The following KIF7 variants were observed in gnomAD, a reference collection of about 807,000 sequenced individuals.
KIF7 encodes the protein kinesin-like protein KIF7.
A neutral mutation model predicts 135.7 loss-of-function variants in KIF7; 104 were observed. That is an observed-to-expected ratio of 0.77 (90% CI 0.65 to 0.90). The LOEUF is 0.90. Among genes scored for constraint, KIF7 ranks in the 40% least tolerant of loss-of-function variants. The probability of loss-of-function intolerance (pLI) is 0.00; values close to 1 mark genes in which losing one functional copy is unlikely to be tolerated. For missense variants in KIF7, 2,005 were observed against 1,839.1 expected, an observed-to-expected ratio of 1.09 and a Z score of -1.65; for synonymous variants, 883 against 809.4, an observed-to-expected ratio of 1.09 and a Z score of -1.54.
chr15:89,645,687 C>T (rs1963999592), intron 8 of KIF7, among the ~76,000 whole-genome samples: 1 of 152,148 alleles, frequency 6.6e-6, no homozygotes, highest in Non-Finnish European at 1.5e-5. Context: ...CCTGGGCCCA[C>T]CTTGTATCAC....
In KIF7 at chr15:89,647,792, G is replaced by A; in HGVS notation, c.1444-80C>T. 1.8e-6 allele frequency: 2 copies of A among 1,089,394 alleles called. 1 individual carries two copies. Among genetic ancestry groups the A allele is most frequent in the South Asian group, 2.9e-5 (2 of 69,696 alleles). 67.5% of individuals were successfully genotyped at this position (1,089,394 alleles called of 1,614,324 possible). On this transcript the variant is annotated intron_variant, in intron 5 of 18. Transcript: ENST00000394412. ...ACCCGGCCTCTTCTTGTTTAGCCCT[G>A]CTTTCTATCTACTCTTCCAAGCCCT...
chr15:89,634,510 C>T lies in KIF7; in HGVS notation c.2395-627G>A, dbSNP rs111693002. Among the ~76,000 whole-genome samples the T allele has an allele frequency of 9.9e-3, 1,505 of 152,312 alleles. 25 individuals carry two copies. The highest frequency in any genetic ancestry group is 0.034 in the African/African-American group (1,425 of 41,558). ...CGAAGCAGGGCGAGGCATTGCCTCA[C>T]TCGGGAAGTGCAAGGGGTCAGGGAG... On this transcript the variant is annotated intron_variant, in intron 11 of 18. Transcript: ENST00000394412.
At chr15:89,624,467 G>A (rs755245343), downstream of KIF7, 2 of 1,614,188 alleles carry the variant, frequency 1.2e-6, no homozygotes, top group Non-Finnish European at 1.7e-6. Flanking sequence ...AAACGGTGTA[G>A]AAAGACCTCT....
intron 2 of KIF7, among the ~76,000 whole-genome samples, chr15:89,650,430 G>A (rs563761812): frequency 9.9e-5 from 15 of 152,156 alleles, no homozygotes; most frequent in African/African-American, 2.9e-4. Context: ...TTTTGCTCTC[G>A]TTGCCCAAGC....
Position 89,643,176 on chromosome 15 carries a change from C to T in KIF7, c.2192-771G>A, listed in dbSNP as rs537185143. ...GTCGGCCCTCTGCATCTGTGGGTTC[C>T]ACACCCATGGGTTCAACCAACCATG... On this transcript the variant is annotated intron_variant, in intron 10 of 18. Transcript: ENST00000394412. Among the ~76,000 whole-genome samples, 7 of 152,292 alleles carry T rather than the reference C, an allele frequency of 4.6e-5. No homozygotes were observed. In the South Asian group the frequency reaches 1.4e-3, roughly 32 times the overall value.
downstream of KIF7, chr15:89,627,254 G>T: frequency 1.3e-6 from 1 of 772,686 alleles, no homozygotes; most frequent in Non-Finnish European, 2.0e-6. Flanking sequence ...TCCATCTCCT[G>T]GCCCTGCCCC....
At position 89,647,616 on chromosome 15, in the gene KIF7, T is replaced by C; in HGVS notation, c.1540A>G (p.Met514Val). The C allele has an allele frequency of 6.2e-7, 1 of 1,612,022 alleles. No individual in the cohort carries two copies. The highest frequency in any genetic ancestry group is 8.5e-7 in the Non-Finnish European group (1 of 1,179,992). ...CGCACCTGCAGTTTGTACTGCTCCA[T>C]GGCGTCCTCCAGCGCAGCCAGAAAG... ...RDFLAALEDA[M>V]EQYKLQSDRL... Residue 514 changes from methionine (M) to valine (V), a missense_variant, in exon 6 of 19, where the codon ATG becomes GTG. Physicochemically the swap from Met to Val is conservative, Grantham distance 21. Coordinates refer to ENST00000394412, the MANE Select transcript of KIF7 (RefSeq NM_198525.3).
downstream of KIF7, chr15:89,625,935 G>A (rs765855889): frequency 6.4e-7 from 1 of 1,569,904 alleles, no homozygotes; most frequent in Admixed American, 1.9e-5. Flanking sequence ...GATCTCTTTA[G>A]GCTCCACCCC....
At chr15:89,625,446 C>T, downstream of KIF7, 2 of 1,613,924 alleles carry the variant, frequency 1.2e-6, no homozygotes, top group Non-Finnish European at 1.7e-6. Context: ...TTCCTGGGAG[C>T]CTGTCACTGC....
chr15:89,624,508 C>T (rs1313991573), downstream of KIF7: 1 of 1,614,130 alleles, frequency 6.2e-7, no homozygotes, highest in Non-Finnish European at 8.5e-7. Context: ...GGAGTGTCAG[C>T]CTGATGCCTC....
chr15:89,651,249 A>G (rs923239823), intron 2 of KIF7, among the ~76,000 whole-genome samples: 3 of 152,030 alleles, frequency 2.0e-5, no homozygotes, highest in African/African-American at 7.2e-5. Context: ...ACAGGCATGC[A>G]CCACCACGCC....
chr15:89,647,629 C>G lies in KIF7; in HGVS notation c.1527G>C (p.Ala509=), dbSNP rs1383435731. Reference sequence around the variant, plus strand: ...TGTACTGCTCCATGGCGTCCTCCAGCGCAGCCAGAAAGTCTCGGTTCTCCT... The same window carrying G: ...TGTACTGCTCCATGGCGTCCTCCAGGGCAGCCAGAAAGTCTCGGTTCTCCT... ...LEEENRDFLA[A]LEDAMEQYKL... is the part of the protein sequence containing the mutation. Residue 509 remains alanine, a synonymous_variant, in exon 6 of 19, where the codon GCG becomes GCC. Coordinates refer to ENST00000394412, the MANE Select transcript of KIF7 (RefSeq NM_198525.3). 6.2e-7 allele frequency: 1 copy of G among 1,612,020 alleles called. No homozygotes were observed. The highest frequency in any genetic ancestry group is 1.1e-5 in the South Asian group (1 of 91,070).
chr15:89,629,720 C>T, intron 16 of KIF7, 147 bp from the exon 17 acceptor site: 1 of 997,896 alleles, frequency 1.0e-6, no homozygotes, highest in Non-Finnish European at 1.5e-6. Context: ...GACTCAGCCT[C>T]AGACACCTCA....
At chr15:89,646,599 G>A (rs768728691) in intron 7 of KIF7, among the ~76,000 whole-genome samples, 17 of 152,132 alleles carry the variant, frequency 1.1e-4, no homozygotes, top group Non-Finnish European at 2.5e-4. Context: ...CATTCCAAGC[G>A]ATCTTCAGCT....
intron 11 of KIF7, among the ~76,000 whole-genome samples, chr15:89,639,171 C>G (rs1963869943): frequency 6.6e-6 from 1 of 152,082 alleles, no homozygotes. Flanking sequence ...AATGTTAGAC[C>G]TAAAACCATA....
chr15:89,640,839 AAAG>A (rs1963905865), intron 11 of KIF7, among the ~76,000 whole-genome samples: 1 of 151,588 alleles, frequency 6.6e-6, no homozygotes, highest in African/African-American at 2.4e-5. Flanking sequence ...AAAAAAAAAA[AAAG>A]AAAAAAATTA....
At chr15:89,660,243 G>C (rs932536023), upstream of KIF7, among the ~76,000 whole-genome samples, 11 of 152,162 alleles carry the variant, frequency 7.2e-5, no homozygotes, top group Non-Finnish European at 1.6e-4. Flanking sequence ...ATTGACAGGA[G>C]AGTGATGTGG....
intron 1 of KIF7, among the ~76,000 whole-genome samples, chr15:89,653,562 C>G (rs1009939637): frequency 1.3e-5 from 2 of 152,146 alleles, no homozygotes; most frequent in Non-Finnish European, 2.9e-5. Flanking sequence ...TCCCCTCCCG[C>G]AGGGCAACCA....
At chr15:89,646,172 C>G in intron 7 of KIF7, 146 bp from the exon 8 acceptor site, 1 of 1,071,518 alleles carries the variant, frequency 9.3e-7, no homozygotes. Context: ...CCTTCTGAAT[C>G]TCAAGCTGGG....
Sources: gnomAD v4.1 joint callset for allele counts (sites outside exome capture counted in the v4.1 genomes callset) on GRCh38, gnomAD v4.1.1 for gene constraint, MANE v1.5 for transcripts, NCBI Gene and HGNC (gene_info 2026-07-23, HGNC 2026-07-21) for gene names.